AGXT2: variants seen among roughly 807,000 people sequenced by gnomAD.
AGXT2 encodes alanine--glyoxylate aminotransferase 2, mitochondrial.
AGXT2 carries 61 observed loss-of-function variants against 62.5 expected under a neutral mutation model. The observed-to-expected ratio is 0.98, with a 90% confidence interval of 0.79 to 1.21. The LOEUF (loss-of-function observed/expected upper bound fraction) is 1.21, where lower values mean the gene tolerates loss of function less well. AGXT2 is among the 50% of genes most tolerant of loss of function. The pLI, the probability that AGXT2 is intolerant of heterozygous loss-of-function variation, is 0.00. For synonymous variants in AGXT2, 243 were observed against 218.7 expected (o/e 1.11, Z -0.98); for missense variants, 666 against 641.5 (o/e 1.04, Z -0.41).
intron 3 of AGXT2, 93 bp downstream of exon 3, chr5:35,039,231 A>G (rs1475264593): frequency 7.0e-7 from 1 of 1,419,438 alleles, no homozygotes; most frequent in East Asian, 2.3e-5. Context: ...TTTTTAAACC[A>G]AGATAAGCAA....
chr5:35,021,500 T>C (rs1437685701), intron 9 of AGXT2, among the ~76,000 whole-genome samples: 2 of 150,116 alleles, frequency 1.3e-5, no homozygotes, highest in Admixed American at 6.6e-5. Flanking sequence ...TAAATGGTGC[T>C]GGGAAAACTG....
At chr5:35,035,014 G>C (rs1354456184) in intron 5 of AGXT2, among the ~76,000 whole-genome samples, 2 of 152,170 alleles carry the variant, frequency 1.3e-5, no homozygotes, top group Non-Finnish European at 2.9e-5. Flanking sequence ...GTCGTGACCA[G>C]TTGGGGCCCC....
chr5:35,008,207 A>G (rs1766506500), intron 12 of AGXT2, among the ~76,000 whole-genome samples: 1 of 152,208 alleles, frequency 6.6e-6, no homozygotes, highest in African/African-American at 2.4e-5. Flanking sequence ...TGGCTTGCAC[A>G]TATTTCCATG....
chr5:35,041,715 A>C (rs1398123318), intron 1 of AGXT2, among the ~76,000 whole-genome samples: 1 of 152,226 alleles, frequency 6.6e-6, no homozygotes, highest in Non-Finnish European at 1.5e-5. Flanking sequence ...GAATGCATGA[A>C]AGAAGTGTTA....
Position 35,042,690 on chromosome 5 carries a change from T to G in AGXT2, c.89-2027A>C, listed in dbSNP as rs180945117. On this transcript the variant is annotated intron_variant, in intron 1 of 13. Transcript: ENST00000231420. ...GAGTTGAGGGTTCATAAAGCTTTTT[T>G]GGGGGCTCCTGGAAAGTGTGTATGT... Among the ~76,000 whole-genome samples the G allele has an allele frequency of 1.4e-3, 217 of 151,862 alleles. 1 individual carries two copies. The highest frequency in any genetic ancestry group is 4.9e-3 in the African/African-American group (202 of 41,396).
chr5:35,002,298 A>C (rs1455954960), intron 13 of AGXT2, among the ~76,000 whole-genome samples: 2 of 152,168 alleles, frequency 1.3e-5, no homozygotes, highest in Non-Finnish European at 2.9e-5. Context: ...TTTTGTTTAA[A>C]GGGGAAGGGG....
chr5:35,035,922 C>T (rs1342876888), intron 4 of AGXT2, among the ~76,000 whole-genome samples: 1 of 152,030 alleles, frequency 6.6e-6, no homozygotes, highest in Non-Finnish European at 1.5e-5. Context: ...ACTAAAGATA[C>T]AAAAATTAGC....
At chr5:35,035,665 G>T (rs1767735052) in intron 4 of AGXT2, among the ~76,000 whole-genome samples, 1 of 152,270 alleles carries the variant, frequency 6.6e-6, no homozygotes, top group South Asian at 2.1e-4. Flanking sequence ...GGGTTTCTTG[G>T]CTCCTAACTC....
intron 10 of AGXT2, among the ~76,000 whole-genome samples, chr5:35,013,262 G>A (rs1766711315): frequency 6.6e-6 from 1 of 152,206 alleles, no homozygotes; most frequent in Admixed American, 6.5e-5. Flanking sequence ...TTTGGAGATA[G>A]TGCGTTTAAG....
At chr5:35,045,569 GTA>G (rs1350494538) in intron 1 of AGXT2, among the ~76,000 whole-genome samples, 20 of 152,122 alleles carry the variant, frequency 1.3e-4, no homozygotes, top group Non-Finnish European at 2.2e-4. Context: ...TTGCCTGAAT[GTA>G]TATATTGCAC....
In AGXT2 at chr5:34,998,842, A is replaced by C; in HGVS notation, c.1438-16T>G. ...TGCGAAATGTCTGAGGAGACACCAA[A>C]AAATAAGAAAACAAATCATCAGAGA... On this transcript the variant is annotated splice_polypyrimidine_tract_variant and intron_variant, in intron 13 of 13. Transcript: ENST00000231420. 3 of 1,543,150 alleles carry C rather than the reference A, an allele frequency of 1.9e-6. No homozygotes were observed. The highest frequency in any genetic ancestry group is 2.7e-6 in the Non-Finnish European group (3 of 1,116,928).
rs557758549 is a variant in AGXT2 at position 35,023,074 on chromosome 5, C to T, written c.963+2689G>A. On this transcript the variant is annotated intron_variant, in intron 9 of 13. Coordinates refer to ENST00000231420, the MANE Select transcript of AGXT2 (RefSeq NM_031900.4). ...CAATTTAAAAGAGTGCCTTTTATTC[C>T]GATATTGTTTTATTCATTTGTTTGT... 3.5e-5 allele frequency among the ~76,000 whole-genome samples: 5 copies of T among 144,700 alleles called. No individual in the cohort carries two copies. In the South Asian group the frequency reaches 6.5e-4, roughly 19 times the overall value. 94.9% of individuals were successfully genotyped at this position (144,700 alleles called of 152,430 possible). A position where few individuals can be genotyped will look rare whatever the true frequency, so the allele number is the denominator to read the frequency against.
At chr5:35,008,311 A>C (rs1179054778) in intron 12 of AGXT2, among the ~76,000 whole-genome samples, 1 of 152,130 alleles carries the variant, frequency 6.6e-6, no homozygotes, top group Non-Finnish European at 1.5e-5. Context: ...CTGGTGTTTT[A>C]CTAAGACAAA....
intron 9 of AGXT2, among the ~76,000 whole-genome samples, chr5:35,014,442 G>A (rs1205814859): frequency 6.0e-5 from 6 of 99,186 alleles, no homozygotes; most frequent in African/African-American, 2.5e-4. Context: ...GACAGGGTGA[G>A]ACTCCATCTC....
chr5:35,012,256 A>C (rs993093063), intron 11 of AGXT2: 7 of 151,278 alleles, frequency 4.6e-5, no homozygotes, highest in African/African-American at 1.7e-4. Context: ...TACATATATA[A>C]ATATATATGT....
At chr5:35,013,616 T>C (rs1766727973) in intron 10 of AGXT2, among the ~76,000 whole-genome samples, 1 of 152,164 alleles carries the variant, frequency 6.6e-6, no homozygotes, top group Non-Finnish European at 1.5e-5. Flanking sequence ...ACTCCGTTTC[T>C]ACTAAAAATA....
chr5:35,032,861 G>T, intron 6 of AGXT2, 36 bp from the exon 7 acceptor site: 1 of 1,555,912 alleles, frequency 6.4e-7, no homozygotes, highest in South Asian at 1.2e-5. Flanking sequence ...GGCAAAGCAT[G>T]AACACAAGAC....
chr5:35,004,244 C>T (rs1174967455), intron 12 of AGXT2, among the ~76,000 whole-genome samples: 1 of 152,124 alleles, frequency 6.6e-6, no homozygotes, highest in Non-Finnish European at 1.5e-5. Flanking sequence ...TTTGTTCTGC[C>T]CATGGAAAGG....
At chr5:35,045,576 T>C (rs1004769846) in intron 1 of AGXT2, among the ~76,000 whole-genome samples, 1 of 152,152 alleles carries the variant, frequency 6.6e-6, no homozygotes, top group Admixed American at 6.5e-5. Context: ...AATGTATATA[T>C]TGCACATGGC....
Sources: gnomAD v4.1 joint callset for allele counts (sites outside exome capture counted in the v4.1 genomes callset) on GRCh38, gnomAD v4.1.1 for gene constraint, MANE v1.5 for transcripts, NCBI Gene and HGNC (gene_info 2026-07-23, HGNC 2026-07-21) for gene names.